Variants in CFAP54 observed in about 807,000 individuals in gnomAD.
CFAP54 encodes the protein cilia- and flagella-associated protein 54.
Under a neutral mutation model 370.4 loss-of-function variants are expected in CFAP54, and 290 were observed. That is an observed-to-expected ratio of 0.78 (90% CI 0.71 to 0.86). The LOEUF is 0.86. CFAP54 is among the 40% of genes least tolerant of loss of function. The probability of loss-of-function intolerance (pLI) is 0.00; values close to 1 mark genes in which losing one functional copy is unlikely to be tolerated. For synonymous variants in CFAP54, 1,206 were observed against 1,236.5 expected (o/e 0.98, Z 0.52); for missense variants, 3,399 against 3,528.7 (o/e 0.96, Z 0.93).
chr12:96,629,725 A>G (rs990451724), intron 30 of CFAP54, among the ~76,000 whole-genome samples: 1 of 152,192 alleles, frequency 6.6e-6, no homozygotes, highest in Non-Finnish European at 1.5e-5. Context: ...ACATTCTTAT[A>G]CATGTGTCCT....
intron 12 of CFAP54, among the ~76,000 whole-genome samples, chr12:96,536,389 T>C (rs968471624): frequency 1.3e-5 from 2 of 152,238 alleles, no homozygotes; most frequent in Non-Finnish European, 2.9e-5. Context: ...GAGCACTGTA[T>C]TAACTTTTGC....
chr12:96,728,382 A>C (rs1475465230), intron 50 of CFAP54, among the ~76,000 whole-genome samples: 1 of 151,994 alleles, frequency 6.6e-6, no homozygotes, highest in Non-Finnish European at 1.5e-5. Context: ...GTTTCTTTTT[A>C]TTCTTTTTTC....
At position 96,589,508 on chromosome 12, in the gene CFAP54, C is replaced by T. The variant is rs1956105543; in HGVS notation, c.3157C>T (p.Gln1053Ter). ...GGATTATTTTGTTGCTTCGCCACTTCAGGATGAACAATCTGTTATTTGTTT... is the reference window on the plus strand; with the variant it reads ...GGATTATTTTGTTGCTTCGCCACTTTAGGATGAACAATCTGTTATTTGTTT... ...VWDYFVASPL[Q>*]DEQSVICLSN... The change falls in exon 23 of 68, where the codon CAG (glutamine) becomes TAG (stop). Residue 1053 changes from glutamine to a stop codon, truncating the protein, a stop_gained. Transcript: ENST00000524981. LOFTEE classifies it high-confidence loss of function. 1 of 1,496,562 alleles carries T rather than the reference C, an allele frequency of 6.7e-7. No homozygotes were observed. The highest frequency in any genetic ancestry group is 2.0e-5 in the Admixed American group (1 of 50,898). The allele number at this position is 1,496,562 out of a possible 1,614,324, so 92.7% of individuals were successfully genotyped here. A position where few individuals can be genotyped will look rare whatever the true frequency, so the allele number is the denominator to read the frequency against.
chr12:96,807,495 T>G (rs1170324285), intron 63 of CFAP54, among the ~76,000 whole-genome samples: 9 of 152,196 alleles, frequency 5.9e-5, no homozygotes, highest in Admixed American at 4.6e-4. Context: ...AAGATACATT[T>G]TAAATTCAAT....
chr12:96,788,500 C>G (rs1217305827), intron 62 of CFAP54, among the ~76,000 whole-genome samples: 1 of 152,140 alleles, frequency 6.6e-6, no homozygotes, highest in Non-Finnish European at 1.5e-5. Flanking sequence ...ATTTTTATAG[C>G]TATAGATTTT....
chr12:96,778,470 C>T (rs1363672665), intron 60 of CFAP54, among the ~76,000 whole-genome samples: 2 of 152,192 alleles, frequency 1.3e-5, no homozygotes, highest in African/African-American at 4.8e-5. Flanking sequence ...TAATACTATT[C>T]AAAAGTGCAC....
intron 63 of CFAP54, among the ~76,000 whole-genome samples, chr12:96,794,749 T>C (rs1468842585): frequency 6.6e-6 from 1 of 152,212 alleles, no homozygotes; most frequent in Non-Finnish European, 1.5e-5. Context: ...AATTCAGAAA[T>C]TTCTTCTTGG....
chr12:96,640,009 A>C (rs1321790874), intron 32 of CFAP54, among the ~76,000 whole-genome samples: 1 of 152,234 alleles, frequency 6.6e-6, no homozygotes, highest in Non-Finnish European at 1.5e-5. Flanking sequence ...TTCCCTTTGA[A>C]AACTGGCACA....
chr12:96,736,814 A>G (rs10860079), intron 50 of CFAP54, among the ~76,000 whole-genome samples: 57,350 of 152,010 alleles, frequency 0.38, 11,978 homozygotes, highest in East Asian at 0.68. Context: ...AGCCATAAAT[A>G]TGATACTAAC....
intron 63 of CFAP54, among the ~76,000 whole-genome samples, chr12:96,794,089 T>C (rs1186665322): frequency 2.0e-5 from 3 of 152,174 alleles, no homozygotes; most frequent in Non-Finnish European, 4.4e-5. Flanking sequence ...CTTGGTAGGG[T>C]TTCTGCTGAG....
At chr12:96,667,141 G>T (rs536364975) in intron 39 of CFAP54, among the ~76,000 whole-genome samples, 2 of 152,334 alleles carry the variant, frequency 1.3e-5, no homozygotes, top group African/African-American at 4.8e-5. Context: ...TTGTGGGTTT[G>T]CAGGGTATGG....
chr12:96,631,371 G>A (rs144460956), intron 32 of CFAP54, among the ~76,000 whole-genome samples: 10 of 151,896 alleles, frequency 6.6e-5, no homozygotes, highest in African/African-American at 1.9e-4. Flanking sequence ...ATAATACTAT[G>A]CCAAAATTTC....
intron 46 of CFAP54, among the ~76,000 whole-genome samples, chr12:96,703,064 A>C (rs1009111821): frequency 6.6e-6 from 1 of 152,210 alleles, no homozygotes; most frequent in African/African-American, 2.4e-5. Context: ...GTAATAAAGA[A>C]TATCTTCAAA....
chr12:96,645,261 C>CA, intron 33 of CFAP54: 3 of 415,434 alleles, frequency 7.2e-6, no homozygotes, highest in South Asian at 5.1e-5. Flanking sequence ...TAAAAAGATA[C>CA]AAAATCAATG....
intron 22 of CFAP54, among the ~76,000 whole-genome samples, chr12:96,582,907 A>C (rs956115608): frequency 6.6e-6 from 1 of 152,210 alleles, no homozygotes; most frequent in African/African-American, 2.4e-5. Flanking sequence ...ACTTAAGTTT[A>C]AGCTTTTAAG....
At chr12:96,653,132 A>G (rs1956880783) in intron 36 of CFAP54, among the ~76,000 whole-genome samples, 1 of 152,214 alleles carries the variant, frequency 6.6e-6, no homozygotes, top group Admixed American at 6.5e-5. Context: ...GTACCTCTTC[A>G]CTAGGCTGTT....
At chr12:96,495,038 T>G (rs1592812105) in intron 1 of CFAP54, among the ~76,000 whole-genome samples, 1 of 152,182 alleles carries the variant, frequency 6.6e-6, no homozygotes, top group African/African-American at 2.4e-5. Flanking sequence ...AGATGGTTAT[T>G]TTTTGTATCA....
rs958611961 is a variant in CFAP54, at chr12:96,519,021, A to C, written c.892A>C (p.Thr298Pro). The change falls in exon 6 of 68, where the codon ACA becomes CCA. Residue 298 changes from threonine (T) to proline (P), a missense_variant. Physicochemically the swap from Thr to Pro is conservative, Grantham distance 38 (BLOSUM62 -1). Around this residue, in one of 3 missense-constraint regions of CFAP54, gnomAD observed 559 missense variants for 576.7 expected, o/e 0.97. Coordinates refer to ENST00000524981, the MANE Select transcript of CFAP54 (RefSeq NM_001306084.2). Reference sequence around the variant, plus strand: ...CTTGACATGGCGCGCTACTCTCTACACAGCTGTTTGCCAGTGCTGCTATGA... The same window carrying C: ...CTTGACATGGCGCGCTACTCTCTACCCAGCTGTTTGCCAGTGCTGCTATGA... Reference protein sequence around the residue: ...RYLTWRATLYTAVCQCCYDCH... With the variant: ...RYLTWRATLYPAVCQCCYDCH... 12 of 1,535,422 alleles carry C rather than the reference A, an allele frequency of 7.8e-6. No individual in the cohort carries two copies. The highest frequency in any genetic ancestry group is 1.0e-5 in the Non-Finnish European group (12 of 1,146,822).
At chr12:96,537,613 A>ACATAACAACAC (rs1955520717) in intron 12 of CFAP54, among the ~76,000 whole-genome samples, 1 of 152,100 alleles carries the variant, frequency 6.6e-6, no homozygotes, top group Non-Finnish European at 1.5e-5. Flanking sequence ...AAGTGCTGGG[A>ACATAACAACAC]TTATAGGTCT....
Sources: gnomAD v4.1 joint callset for allele counts (sites outside exome capture counted in the v4.1 genomes callset) on GRCh38, gnomAD v4.1.1 for gene constraint, gnomAD v4.1.1 regional missense constraint, MANE v1.5 for transcripts, NCBI Gene and HGNC (gene_info 2026-07-23, HGNC 2026-07-21) for gene names.